The following TNFRSF11A variants were observed in gnomAD, a reference collection of about 807,000 sequenced individuals.
TNFRSF11A encodes the protein TNF receptor superfamily member 11a, also known as tumor necrosis factor receptor superfamily member 11A.
In TNFRSF11A, 32 loss-of-function variants were observed where a neutral mutation model predicts 55.7. The observed-to-expected ratio is 0.57, with a 90% confidence interval of 0.43 to 0.77. The LOEUF is 0.77. Among genes scored for constraint, TNFRSF11A ranks in the 30% least tolerant of loss-of-function variants. The probability of loss-of-function intolerance (pLI) is 0.00; values close to 1 mark genes in which losing one functional copy is unlikely to be tolerated. For missense variants in TNFRSF11A, 753 were observed against 809.8 expected (o/e 0.93, Z 0.85); for synonymous variants, 311 against 331.0 (o/e 0.94, Z 0.65).
rs1244233449 is a variant in TNFRSF11A, at chr18:62,369,440, G to A, written c.1523G>A (p.Gly508Asp). ...DGRLPSSARA[G>D]AGSGSSPGGQ... ...AGGCTCCCAAGCTCAGCGAGGGCAG[G>A]TGCCGGGTCTGGAAGCTCCCCTGGT... Residue 508 changes from glycine to aspartate, a missense_variant, in exon 9 of 10, where the codon GGT becomes GAT. This residue lies in a region of TNFRSF11A where 567 missense variants were observed against 596.7 expected (regional missense o/e 0.95). Coordinates refer to ENST00000586569, the MANE Select transcript of TNFRSF11A (RefSeq NM_003839.4). 3 of 1,610,348 alleles carry A rather than the reference G, an allele frequency of 1.9e-6. No homozygotes were observed. Among genetic ancestry groups the A allele is most frequent in the Middle Eastern group, 1.7e-4 (1 of 5,958 alleles).
At chr18:62,350,952 C>G (rs952732835) in intron 3 of TNFRSF11A, among the ~76,000 whole-genome samples, 1 of 150,800 alleles carries the variant, frequency 6.6e-6, no homozygotes, top group African/African-American at 2.4e-5. Flanking sequence ...GTTGCATTCC[C>G]TTGGTATCAT....
intron 9 of TNFRSF11A, among the ~76,000 whole-genome samples, chr18:62,374,952 T>C (rs1423282667): frequency 1.3e-5 from 2 of 152,044 alleles, no homozygotes; most frequent in Non-Finnish European, 2.9e-5. Flanking sequence ...TTACCCAGGC[T>C]GGAGAGCAGT....
intron 1 of TNFRSF11A, among the ~76,000 whole-genome samples, chr18:62,326,884 G>A (rs2046083590): frequency 6.6e-6 from 1 of 152,158 alleles, no homozygotes; most frequent in Non-Finnish European, 1.5e-5. Flanking sequence ...GAATTCAATT[G>A]ATATAAGACA....
At chr18:62,332,640 A>G (rs1273687062) in intron 1 of TNFRSF11A, among the ~76,000 whole-genome samples, 4 of 152,088 alleles carry the variant, frequency 2.6e-5, no homozygotes. Context: ...CTTTATTTTA[A>G]TATTTCTATT....
chr18:62,361,618 T>G (rs1909690691), intron 6 of TNFRSF11A, 62 bp from the exon 7 acceptor site: 4 of 1,498,258 alleles, frequency 2.7e-6, no homozygotes, highest in Non-Finnish European at 3.7e-6. Context: ...CGGGATTTGT[T>G]TTTCAACTGC....
rs976596062 is a variant in TNFRSF11A, at chr18:62,385,130, C to A, written c.*96C>A. On this transcript the variant is annotated 3_prime_UTR_variant, in exon 10 of 10. Transcript: ENST00000586569. ...CAGCCCCGGCCACCCAGGGATCGATCGGTACAGTCGAGGAAGACCACCCGG... is the reference window on the plus strand; with the variant it reads ...CAGCCCCGGCCACCCAGGGATCGATAGGTACAGTCGAGGAAGACCACCCGG... 5 of 1,314,618 alleles carry A rather than the reference C, an allele frequency of 3.8e-6. No individual in the cohort carries two copies. Among genetic ancestry groups the A allele is most frequent in the Non-Finnish European group, 4.9e-6 (5 of 1,022,886 alleles). The allele number at this position is 1,314,618 out of a possible 1,614,324, so 81.4% of individuals were successfully genotyped here.
chr18:62,380,581 C>T (rs1232922774), intron 9 of TNFRSF11A, among the ~76,000 whole-genome samples: 2 of 151,484 alleles, frequency 1.3e-5, no homozygotes, highest in African/African-American at 2.4e-5. Flanking sequence ...GGACTACAGG[C>T]GCCTGCCACC....
chr18:62,386,715 C>T lies in TNFRSF11A; in HGVS notation c.*1681C>T, dbSNP rs766789606. 1 of 152,234 alleles carries T rather than the reference C, an allele frequency of 6.6e-6. No homozygotes were observed. Among genetic ancestry groups the T allele is most frequent in the Non-Finnish European group, 1.5e-5 (1 of 68,056 alleles). The allele number at this position is 152,234 out of a possible 1,614,324, so 9.4% of individuals were successfully genotyped here. A position where few individuals can be genotyped will look rare whatever the true frequency, so the allele number is the denominator to read the frequency against. The stretch of plus-strand genomic sequence containing the variant: ...GCATGACTGTGGATCACTGGTTTTT[C>T]CCTCCTGCTGGAAATGCTGGGGTGG... On this transcript the variant is annotated 3_prime_UTR_variant, in exon 10 of 10. Coordinates refer to ENST00000586569, the MANE Select transcript of TNFRSF11A (RefSeq NM_003839.4).
intron 5 of TNFRSF11A, among the ~76,000 whole-genome samples, chr18:62,359,297 G>A (rs2145323610): frequency 6.6e-6 from 1 of 152,242 alleles, no homozygotes; most frequent in Middle Eastern, 3.4e-3. Context: ...CAAATTTTAT[G>A]TTCAAGAGGA....
intron 3 of TNFRSF11A, among the ~76,000 whole-genome samples, chr18:62,352,075 A>G (rs2046482581): frequency 6.6e-6 from 1 of 152,228 alleles, no homozygotes; most frequent in Non-Finnish European, 1.5e-5. Context: ...GGATTACAGC[A>G]TGAGCCATGG....
At chr18:62,333,741 A>G (rs942238648) in intron 1 of TNFRSF11A, among the ~76,000 whole-genome samples, 1 of 151,900 alleles carries the variant, frequency 6.6e-6, no homozygotes, top group Non-Finnish European at 1.5e-5. Context: ...AGAGAAAGGG[A>G]CCTCCCAGAA....
rs1401059486 is a variant in TNFRSF11A at position 62,388,774 on chromosome 18, G to A, written c.*3740G>A. 1 of 152,174 alleles carries A rather than the reference G, an allele frequency of 6.6e-6. No homozygotes were observed. Among genetic ancestry groups the A allele is most frequent in the Non-Finnish European group, 1.5e-5 (1 of 68,046 alleles). 9.4% of individuals were successfully genotyped at this position (152,174 alleles called of 1,614,324 possible). A position where few individuals can be genotyped will look rare whatever the true frequency, so the allele number is the denominator to read the frequency against. Reference sequence around the variant, plus strand: ...ACTGTACTGCTTCCACATTCCTTTGGCACAGAAAACTGAAAAGTCACAACT... The same window carrying A: ...ACTGTACTGCTTCCACATTCCTTTGACACAGAAAACTGAAAAGTCACAACT... On this transcript the variant is annotated 3_prime_UTR_variant, in exon 10 of 10. Coordinates refer to ENST00000586569, the MANE Select transcript of TNFRSF11A (RefSeq NM_003839.4).
At chr18:62,384,645 G>A (rs955868221) in intron 9 of TNFRSF11A, 106 bp from the exon 10 acceptor site, 5 of 1,377,768 alleles carry the variant, frequency 3.6e-6, no homozygotes, top group Middle Eastern at 2.0e-4. Context: ...CCCGGGCTGT[G>A]GGAATCCGGG....
chr18:62,355,027 A>G (rs571546218), intron 4 of TNFRSF11A, among the ~76,000 whole-genome samples: 4 of 152,236 alleles, frequency 2.6e-5, no homozygotes, highest in Non-Finnish European at 4.4e-5. Flanking sequence ...GAAGAAACGA[A>G]TCCAGGGGAA....
chr18:62,366,562 T>A, intron 7 of TNFRSF11A, 146 bp from the exon 8 acceptor site: 1 of 864,616 alleles, frequency 1.2e-6, no homozygotes, highest in South Asian at 1.4e-5. Context: ...GGTATGTTAA[T>A]TTGCTTCACT....
At position 62,383,114 on chromosome 18, in the gene TNFRSF11A, T is replaced by TTA. The variant is rs1489888980; in HGVS notation, c.1568-1637_1568-1636insTA. On this transcript the variant is annotated intron_variant, in intron 9 of 9. Transcript: ENST00000586569. This position sits in a 1 kb window ranked among gnomAD's most constrained non-coding sequence, Gnocchi z 4.2. ...CAGGAATGCCAACGGGCCTCCCTCA[T>TTA]GCTAATTGGGGGTTCTTAGACAAGT... is the stretch of plus-strand genomic sequence containing the variant. Among the ~76,000 whole-genome samples the TTA allele has an allele frequency of 6.6e-6, 1 of 152,124 alleles. No homozygotes were observed. The highest frequency in any genetic ancestry group is 1.5e-5 in the Non-Finnish European group (1 of 68,018).
At chr18:62,355,480 T>G (rs548626385) in intron 4 of TNFRSF11A, among the ~76,000 whole-genome samples, 1 of 152,180 alleles carries the variant, frequency 6.6e-6, no homozygotes, top group African/African-American at 2.4e-5. Flanking sequence ...TTTCTCTATG[T>G]TGGTCAGGCT....
chr18:62,389,131 C>CT lies in TNFRSF11A; in HGVS notation c.*4101dup, dbSNP rs2145415759. On this transcript the variant is annotated 3_prime_UTR_variant, in exon 10 of 10. Transcript: ENST00000586569. ...TGAATCATCATGTTTATTGAGTGTG[C>CT]TTTTAGTGGCAGGGCCCTGAGCACC... 1 of 152,360 alleles carries CT rather than the reference C, an allele frequency of 6.6e-6. No individual in the cohort carries two copies. The highest frequency in any genetic ancestry group is 2.4e-5 in the African/African-American group (1 of 41,530). 9.4% of individuals were successfully genotyped at this position (152,360 alleles called of 1,614,324 possible). A position where few individuals can be genotyped will look rare whatever the true frequency, so the allele number is the denominator to read the frequency against.
chr18:62,353,961 A>G (rs749828588), intron 3 of TNFRSF11A, among the ~76,000 whole-genome samples: 78 of 152,290 alleles, frequency 5.1e-4, no homozygotes, highest in African/African-American at 1.8e-3. Context: ...GGATCCTACA[A>G]TGAATCCTAA....
Sources: allele counts gnomAD v4.1 joint callset (sites outside exome capture counted in the v4.1 genomes callset), GRCh38; gene constraint gnomAD v4.1.1; regional missense constraint gnomAD v4.1.1; non-coding constraint Gnocchi (gnomAD v3.1); transcripts MANE v1.5; gene names NCBI Gene and HGNC (gene_info 2026-07-23, HGNC 2026-07-21).